GBA2: variants seen among roughly 807,000 people sequenced by gnomAD.
GBA2 encodes the protein glucosylceramidase beta 2, also known as non-lysosomal glucosylceramidase.
Under a neutral mutation model 112.9 loss-of-function variants are expected in GBA2, and 79 were observed. The observed-to-expected ratio is 0.70, with a 90% CI of 0.58 to 0.84. GBA2 has a LOEUF of 0.84. GBA2 is among the 40% of genes least tolerant of loss of function. The pLI, the probability that GBA2 is intolerant of heterozygous loss-of-function variation, is 0.00. For missense variants in GBA2, 1,043 were observed against 1,190.0 expected (o/e 0.88, Z 1.82); for synonymous variants, 403 against 434.3 (o/e 0.93, Z 0.90).
In GBA2 at chr9:35,740,647, C is replaced by T. The variant is rs1826606152; in HGVS notation, c.1027-19G>A. On this transcript the variant is annotated intron_variant, in intron 5 of 16. Transcript: ENST00000378103. This position sits in a 1 kb window ranked among gnomAD's most constrained non-coding sequence, Gnocchi z 4.7. ...TAGCTGCCTGTGAAGGGGTCAGGGACTGTGAGGGCAGGCTCCACGAGTACA... is the reference window on the plus strand; with the variant it reads ...TAGCTGCCTGTGAAGGGGTCAGGGATTGTGAGGGCAGGCTCCACGAGTACA... 1.9e-6 allele frequency: 3 copies of T among 1,589,728 alleles called. No individual in the cohort carries two copies. In the African/African-American group the frequency reaches 4.0e-5, roughly 21 times the overall value.
Position 35,738,782 on chromosome 9 carries a change from GT to G in GBA2, c.1916del (p.Asn639ThrfsTer3). 6.2e-7 allele frequency: 1 copy of G among 1,614,222 alleles called. No homozygotes were observed. The highest frequency in any genetic ancestry group is 1.3e-5 in the African/African-American group (1 of 75,076). On this transcript the variant is annotated frameshift_variant, in exon 12 of 17. Coordinates refer to ENST00000378103, the MANE Select transcript of GBA2 (RefSeq NM_020944.3). LOFTEE classifies it high-confidence loss of function. ...YRDYYLTGDQNFLKDMWPVCL... is the reference protein window; with the variant it reads ...YRDYYLTGDQXFLKDMWPVCL... Reference sequence around the variant, plus strand: ...ACACAGGCCACATGTCCTTCAGGAAGTTTTGATCACCCGTGAGGTAATAGTC... The same window carrying G: ...ACACAGGCCACATGTCCTTCAGGAAGTTTGATCACCCGTGAGGTAATAGTC...
At position 35,738,470 on chromosome 9, in the gene GBA2, A is replaced by G. The variant is rs1311327678; in HGVS notation, c.2054+56T>C. ...GAGTCATTCTTTCTTGAGCCCTACAATCCCTTGTTGCCCAGTTTCTCACCT... is the reference window on the plus strand; with the variant it reads ...GAGTCATTCTTTCTTGAGCCCTACAGTCCCTTGTTGCCCAGTTTCTCACCT... On this transcript the variant is annotated intron_variant, in intron 13 of 16. Coordinates refer to ENST00000378103, the MANE Select transcript of GBA2 (RefSeq NM_020944.3). 3.8e-6 allele frequency: 6 copies of G among 1,585,256 alleles called. No individual in the cohort carries two copies. In the Admixed American group the frequency reaches 6.7e-5, roughly 18 times the overall value.
Position 35,740,557 on chromosome 9 carries a change from T to A in GBA2, c.1098A>T (p.Leu366=), listed in dbSNP as rs765791387. The change falls in exon 6 of 17, where the codon CTA becomes CTT. Residue 366 remains leucine, a synonymous_variant. Transcript: ENST00000378103. The surrounding 1 kb of genome is among the most constrained non-coding windows in gnomAD (Gnocchi z 4.7). ...GAGAGTCCAGCTGTCCATCCTGAAG[T>A]AGATCCTGCCACACCTGCTGCCCCG... ...DSTGQQVWQD[L]LQDGQLDSPT... 8 of 1,613,594 alleles carry A rather than the reference T, an allele frequency of 5.0e-6. No individual in the cohort carries two copies. The highest frequency in any genetic ancestry group is 3.3e-5 in the Admixed American group (2 of 60,006).
chr9:35,739,170 T>C (rs1441402366), intron 10 of GBA2, 61 bp from the exon 11 acceptor site: 4 of 1,147,574 alleles, frequency 3.5e-6, no homozygotes, highest in Non-Finnish European at 5.2e-6. Context: ...GGCACACAGC[T>C]ATGTGTGTGA....
chr9:35,748,213 T>A, intron 1 of GBA2, 133 bp downstream of exon 1: 1 of 629,756 alleles, frequency 1.6e-6, no homozygotes, highest in East Asian at 2.6e-5. Flanking sequence ...AGGCCTAAAA[T>A]ATGCCAGGGA....
chr9:35,748,044 C>G (rs1293988449), intron 1 of GBA2, among the ~76,000 whole-genome samples: 2 of 152,170 alleles, frequency 1.3e-5, no homozygotes, highest in African/African-American at 4.8e-5. Flanking sequence ...TAGCTAATCC[C>G]AAAGGGAAGT....
rs758630888 is a variant in GBA2, at chr9:35,740,099, C to T, written c.1308G>A (p.Gln436=). ...TGAGGGCAGGTGCTGCATCTCCATC[C>T]TGGCCAAAGAACCTTGTATACCGCC... ...HYRRYTRFFG[Q]DGDAAPALSH... The change falls in exon 8 of 17, where the codon CAG becomes CAA. Residue 436 remains glutamine, a synonymous_variant. Coordinates refer to ENST00000378103, the MANE Select transcript of GBA2 (RefSeq NM_020944.3). This position sits in a 1 kb window ranked among gnomAD's most constrained non-coding sequence, Gnocchi z 4.7. 5 of 1,614,156 alleles carry T rather than the reference C, an allele frequency of 3.1e-6. No individual in the cohort carries two copies. In the East Asian group the frequency reaches 6.7e-5, roughly 22 times the overall value.
rs1195897756 is a variant in GBA2, at chr9:35,741,631, G to T, written c.786+41C>A. 2 of 1,312,092 alleles carry T rather than the reference G, an allele frequency of 1.5e-6. No homozygotes were observed. Among genetic ancestry groups the T allele is most frequent in the Non-Finnish European group, 2.2e-6 (2 of 904,412 alleles). The allele number at this position is 1,312,092 out of a possible 1,614,324, so 81.3% of individuals were successfully genotyped here. On this transcript the variant is annotated intron_variant, in intron 4 of 16. Coordinates refer to ENST00000378103, the MANE Select transcript of GBA2 (RefSeq NM_020944.3). The surrounding 1 kb of genome is among the most constrained non-coding windows in gnomAD (Gnocchi z 4.6). ...AGTTTCTAGCAGAGGCAGGTCCTGG[G>T]GAAGGGAGGGCAATGGAAGATACAG... is the stretch of plus-strand genomic sequence containing the variant.
chr9:35,738,491 C>T (rs1265608179), intron 13 of GBA2, 35 bp downstream of exon 13: 5 of 1,587,696 alleles, frequency 3.1e-6, no homozygotes, highest in Non-Finnish European at 4.3e-6. Flanking sequence ...CCCAGTTTCT[C>T]ACCTCAGGCC....
In GBA2 at chr9:35,741,180, T is replaced by C. The variant is rs1026539343; in HGVS notation, c.787-116A>G. 14 of 1,120,336 alleles carry C rather than the reference T, an allele frequency of 1.2e-5. No individual in the cohort carries two copies. The highest frequency in any genetic ancestry group is 2.2e-5 in the Admixed American group (1 of 45,464). 69.4% of individuals were successfully genotyped at this position (1,120,336 alleles called of 1,614,324 possible). On this transcript the variant is annotated intron_variant, in intron 4 of 16. Coordinates refer to ENST00000378103, the MANE Select transcript of GBA2 (RefSeq NM_020944.3). The surrounding 1 kb of genome is among the most constrained non-coding windows in gnomAD (Gnocchi z 4.6). ...GACTCAAATACTCCCCAGTGTACTC[T>C]TCTTTTGTCCACTTGCATCTCCCCA...
Position 35,748,793 on chromosome 9 carries a change from C to G in GBA2, c.-89G>C. The G allele has an allele frequency of 1.3e-6, 1 of 794,236 alleles. No individual in the cohort carries two copies. The highest frequency in any genetic ancestry group is 2.4e-5 in the Admixed American group (1 of 41,700). The allele number at this position is 794,236 out of a possible 1,614,324, so 49.2% of individuals were successfully genotyped here. A position where few individuals can be genotyped will look rare whatever the true frequency, so the allele number is the denominator to read the frequency against. On this transcript the variant is annotated 5_prime_UTR_variant, in exon 1 of 17. Transcript: ENST00000378103. ...GCGGGCGCCGGTCGTTGTTAGGTAT[C>G]GTCCCGGAGGGCCGGGCGTTGGGGA...
chr9:35,745,601 C>G (rs909637280), intron 1 of GBA2, among the ~76,000 whole-genome samples: 2 of 136,690 alleles, frequency 1.5e-5, no homozygotes, highest in African/African-American at 5.5e-5. Flanking sequence ...TCTGATTTTG[C>G]TCTTGGTAAA....
rs1826399249 is a variant in GBA2 at position 35,738,537 on chromosome 9, G to A, written c.2043C>T (p.Thr681=). ...YADQTYDGWV[T]TGPSAYCGGL... Reference sequence around the variant, plus strand: ...CCCTACCCGCTAACCTGGGGCCTGTGGTCACCCATCCATCATAGGTCTGGT... The same window carrying A: ...CCCTACCCGCTAACCTGGGGCCTGTAGTCACCCATCCATCATAGGTCTGGT... Residue 681 remains threonine (T), a synonymous_variant, in exon 13 of 17, where the codon ACC becomes ACT. Coordinates refer to ENST00000378103, the MANE Select transcript of GBA2 (RefSeq NM_020944.3). 2 of 1,611,592 alleles carry A rather than the reference G, an allele frequency of 1.2e-6. No individual in the cohort carries two copies. The highest frequency in any genetic ancestry group is 1.3e-5 in the African/African-American group (1 of 74,986).
chr9:35,739,075 TCGC>T lies in GBA2; in HGVS notation c.1719_1721del (p.Arg575del). On this transcript the variant is annotated inframe_deletion, in exon 11 of 17. Coordinates refer to ENST00000378103, the MANE Select transcript of GBA2 (RefSeq NM_020944.3). Reference sequence around the variant, plus strand: ...CCATCACCCCACTCATCAGGTACCGTCGCCGTGTCAGGTCCTCCCTGAGAGTGG... The same window carrying T: ...CCATCACCCCACTCATCAGGTACCGTCGTGTCAGGTCCTCCCTGAGAGTGG... 1 of 1,612,522 alleles carries T rather than the reference TCGC, an allele frequency of 6.2e-7. No homozygotes were observed. The highest frequency in any genetic ancestry group is 8.5e-7 in the Non-Finnish European group (1 of 1,179,516).
At position 35,748,874 on chromosome 9, in the gene GBA2, G is replaced by A. The variant is rs1264692905; in HGVS notation, c.-170C>T. 4 of 552,068 alleles carry A rather than the reference G, an allele frequency of 7.2e-6. No individual in the cohort carries two copies. Among genetic ancestry groups the A allele is most frequent in the South Asian group, 5.7e-5 (2 of 35,180 alleles). The allele number at this position is 552,068 out of a possible 1,614,324, so 34.2% of individuals were successfully genotyped here. ...CCGGGGAGCTCTTGCTTCAGTGGGG[G>A]CGGCGACAGCAAAGAAGCCGCCTTG... On this transcript the variant is annotated 5_prime_UTR_variant, in exon 1 of 17. Coordinates refer to ENST00000378103, the MANE Select transcript of GBA2 (RefSeq NM_020944.3).
At chr9:35,744,765 G>T in intron 1 of GBA2, 59 bp from the exon 2 acceptor site, 1 of 874,042 alleles carries the variant, frequency 1.1e-6, no homozygotes, top group South Asian at 1.3e-5. Flanking sequence ...TTCACAGGCT[G>T]AGTCACCTGC....
In GBA2 at chr9:35,746,589, C is replaced by CA. The variant is rs551527365; in HGVS notation, c.359+1756dup. On this transcript the variant is annotated intron_variant, in intron 1 of 16. Transcript: ENST00000378103. This position sits in a 1 kb window ranked among gnomAD's most constrained non-coding sequence, Gnocchi z 5.2. ...CTGGGTGACAAGAGCAAGACTGTCT[C>CA]AAAAAAAAAATAATAATAAAATAAA... 1.0e-3 allele frequency among the ~76,000 whole-genome samples: 151 copies of CA among 145,588 alleles called. No homozygotes were observed. The highest frequency in any genetic ancestry group is 3.4e-3 in the African/African-American group (134 of 39,692).
chr9:35,737,528 G>A lies in GBA2; in HGVS notation c.2506-81C>T, dbSNP rs1270259242. 7.0e-6 allele frequency: 11 copies of A among 1,566,100 alleles called. No homozygotes were observed. Among genetic ancestry groups the A allele is most frequent in the Non-Finnish European group, 9.5e-6 (11 of 1,154,072 alleles). ...TTCCACTGGATAGATGGAGGCAGTAGAGTCTTTGCCTTCAAGGAGCTCCCA... is the reference window on the plus strand; with the variant it reads ...TTCCACTGGATAGATGGAGGCAGTAAAGTCTTTGCCTTCAAGGAGCTCCCA... On this transcript the variant is annotated intron_variant, in intron 16 of 16. Transcript: ENST00000378103. This position sits in a 1 kb window ranked among gnomAD's most constrained non-coding sequence, Gnocchi z 4.1.
At chr9:35,747,312 A>T (rs1381001777) in intron 1 of GBA2, among the ~76,000 whole-genome samples, 1 of 152,070 alleles carries the variant, frequency 6.6e-6, no homozygotes, top group Non-Finnish European at 1.5e-5. Context: ...TGTACACTAG[A>T]TCCTATTTTG....
Sources: allele counts gnomAD v4.1 joint callset (sites outside exome capture counted in the v4.1 genomes callset), GRCh38; gene constraint gnomAD v4.1.1; non-coding constraint Gnocchi (gnomAD v3.1); transcripts MANE v1.5; gene names NCBI Gene and HGNC (gene_info 2026-07-23, HGNC 2026-07-21).